The following CAMTA1 variants were observed in gnomAD, a reference collection of about 807,000 sequenced individuals.
CAMTA1 encodes the protein calmodulin binding transcription activator 1, also known as calmodulin-binding transcription activator 1.
A neutral mutation model predicts 170.9 loss-of-function variants in CAMTA1; 27 were observed. The observed-to-expected ratio is 0.16, with a 90% CI of 0.12 to 0.22. CAMTA1 has a LOEUF of 0.22. Among genes scored for constraint, CAMTA1 ranks in the 10% least tolerant of loss-of-function variants. CAMTA1 has a pLI of 1.00. For synonymous variants in CAMTA1, 833 were observed against 891.5 expected (o/e 0.93, Z 1.17); for missense variants, 1,619 against 2,217.2 (o/e 0.73, Z 5.42).
intron 5 of CAMTA1, among the ~76,000 whole-genome samples, chr1:7,273,755 T>C (rs191993903): frequency 2.6e-4 from 40 of 152,258 alleles, no homozygotes; most frequent in African/African-American, 9.6e-4. Context: ...CAAAAATATG[T>C]TTAAAATAAG....
At chr1:6,999,016 T>G (rs1697772345) in intron 3 of CAMTA1, among the ~76,000 whole-genome samples, 1 of 152,194 alleles carries the variant, frequency 6.6e-6, no homozygotes, top group Non-Finnish European at 1.5e-5. Context: ...CATCATAGTC[T>G]CCAGAAGTTT....
At chr1:6,845,470 G>C (rs1657709251) in intron 3 of CAMTA1, among the ~76,000 whole-genome samples, 1 of 152,192 alleles carries the variant, frequency 6.6e-6, no homozygotes, top group Non-Finnish European at 1.5e-5. Context: ...TGAGTTAAAA[G>C]CTGCAATAGT....
chr1:7,126,420 C>A (rs774492399), intron 4 of CAMTA1, among the ~76,000 whole-genome samples: 1 of 152,214 alleles, frequency 6.6e-6, no homozygotes, highest in African/African-American at 2.4e-5. Context: ...CTGAACTCTG[C>A]AATCTCAAAA....
At chr1:7,666,933 GGCTGGAGT>G (rs1399181237) in intron 9 of CAMTA1, among the ~76,000 whole-genome samples, 2 of 152,098 alleles carry the variant, frequency 1.3e-5, no homozygotes, top group Non-Finnish European at 2.9e-5. Context: ...TTTTTGCCCA[GGCTGGAGT>G]GCAATGGCGC....
At chr1:7,100,279 T>C (rs1482944665) in intron 4 of CAMTA1, among the ~76,000 whole-genome samples, 1 of 152,232 alleles carries the variant, frequency 6.6e-6, no homozygotes, top group Non-Finnish European at 1.5e-5. Context: ...CTCGTCTCTG[T>C]TCCCCTTTGG....
At chr1:7,448,368 G>T (rs1052828031) in intron 5 of CAMTA1, among the ~76,000 whole-genome samples, 2 of 152,190 alleles carry the variant, frequency 1.3e-5, no homozygotes, top group African/African-American at 4.8e-5. Context: ...GAACCTCCAT[G>T]TCCTGGAGGA....
chr1:7,296,382 G>C (rs921837873), intron 5 of CAMTA1, among the ~76,000 whole-genome samples: 1 of 152,194 alleles, frequency 6.6e-6, no homozygotes, highest in Non-Finnish European at 1.5e-5. Flanking sequence ...TACCACAGTG[G>C]ACCATTGCTC....
chr1:7,605,701 T>C (rs960238202), intron 6 of CAMTA1, among the ~76,000 whole-genome samples: 5 of 152,212 alleles, frequency 3.3e-5, no homozygotes, highest in Non-Finnish European at 7.3e-5. Flanking sequence ...CTGCACCCAC[T>C]TTCCGACACT....
intron 4 of CAMTA1, among the ~76,000 whole-genome samples, chr1:7,231,100 A>C (rs1662709112): frequency 6.6e-6 from 1 of 152,062 alleles, no homozygotes; most frequent in South Asian, 2.1e-4. Flanking sequence ...TCGTGGGATG[A>C]GAGCCCCGGT....
At chr1:6,951,195 A>C (rs567398961) in intron 3 of CAMTA1, among the ~76,000 whole-genome samples, 1 of 152,296 alleles carries the variant, frequency 6.6e-6, no homozygotes, top group South Asian at 2.1e-4. Context: ...ATAAAAACTC[A>C]CAGTTAAAAC....
At chr1:7,310,669 TTCCTTTCTTTCTCTCTCTCTCTCTCTCTC>T (rs1676462197) in intron 5 of CAMTA1, among the ~76,000 whole-genome samples, 1 of 34,346 alleles carries the variant, frequency 2.9e-5, no homozygotes, top group Non-Finnish European at 4.9e-5. Flanking sequence ...CTTTCTTTCT[TTCCTTTCTTTCTCTCTCTCTCTCTCTCTC>T]TCTCTTTCTT....
At chr1:7,522,233 T>G (rs2094375217) in intron 6 of CAMTA1, among the ~76,000 whole-genome samples, 1 of 152,240 alleles carries the variant, frequency 6.6e-6, no homozygotes, top group Admixed American at 6.5e-5. Context: ...TTGACTTACA[T>G]TTCTTTAAGG....
chr1:7,540,194 C>G (rs1193169), intron 6 of CAMTA1, among the ~76,000 whole-genome samples: 114,428 of 152,030 alleles, frequency 0.75, 43,171 homozygotes, highest in Middle Eastern at 0.83. Flanking sequence ...TGCATAAGTG[C>G]GACTCAATGA....
intron 5 of CAMTA1, among the ~76,000 whole-genome samples, chr1:7,449,813 G>T (rs1304818240): frequency 6.7e-6 from 1 of 148,940 alleles, no homozygotes. Flanking sequence ...AGAAAAGAAA[G>T]TACTGGGGCC....
At chr1:7,754,174 A>G (rs1461163688) in intron 21 of CAMTA1, among the ~76,000 whole-genome samples, 4 of 152,222 alleles carry the variant, frequency 2.6e-5, no homozygotes, top group Non-Finnish European at 4.4e-5. Context: ...TCCAGCACTG[A>G]AACCAATAGA....
At chr1:7,037,048 A>G (rs1310187488) in intron 3 of CAMTA1, among the ~76,000 whole-genome samples, 1 of 152,246 alleles carries the variant, frequency 6.6e-6, no homozygotes, top group African/African-American at 2.4e-5. Context: ...GTAAAACAAA[A>G]GAACCTTTTG....
At chr1:7,103,253 C>T (rs1017995689) in intron 4 of CAMTA1, among the ~76,000 whole-genome samples, 8 of 152,012 alleles carry the variant, frequency 5.3e-5, no homozygotes, top group African/African-American at 1.7e-4. Flanking sequence ...AGAAAGAACC[C>T]GGGAGTGCTC....
intron 5 of CAMTA1, among the ~76,000 whole-genome samples, chr1:7,339,754 G>A (rs1574790941): frequency 6.6e-6 from 1 of 151,974 alleles, no homozygotes; most frequent in East Asian, 1.9e-4. Flanking sequence ...GCACCACCAT[G>A]CCCGGCTAAT....
At chr1:7,742,164 T>A (rs572176965) in intron 16 of CAMTA1, among the ~76,000 whole-genome samples, 12 of 151,814 alleles carry the variant, frequency 7.9e-5, no homozygotes, top group Non-Finnish European at 1.5e-5. Context: ...ATCTAGAAGA[T>A]ATGACAGTTA....
Sources: allele counts gnomAD v4.1 joint callset (sites outside exome capture counted in the v4.1 genomes callset), GRCh38; gene constraint gnomAD v4.1.1; transcripts MANE v1.5; gene names NCBI Gene and HGNC (gene_info 2026-07-23, HGNC 2026-07-21).